Variants in LPIN3 observed in about 807,000 individuals in gnomAD.
LPIN3 encodes the protein phosphatidate phosphatase LPIN3.
A neutral mutation model predicts 94.7 loss-of-function variants in LPIN3; 82 were observed. The observed-to-expected ratio is 0.87, with a 90% confidence interval of 0.72 to 1.04. The LOEUF is 1.04. LPIN3 is among the 50% of genes least tolerant of loss of function. The probability of loss-of-function intolerance (pLI) is 0.00; values close to 1 mark genes in which losing one functional copy is unlikely to be tolerated. For synonymous variants in LPIN3, 418 were observed against 443.3 expected (o/e 0.94, Z 0.72); for missense variants, 996 against 1,090.5 (o/e 0.91, Z 1.22).
At chr20:41,347,963 G>A (rs1158768271) in intron 3 of LPIN3, among the ~76,000 whole-genome samples, 2 of 152,198 alleles carry the variant, frequency 1.3e-5, no homozygotes, top group Non-Finnish European at 2.9e-5. Context: ...AAGAGGAGGC[G>A]GGAGCTGAAG....
At chr20:41,344,000 C>A (rs572874251) in intron 1 of LPIN3, among the ~76,000 whole-genome samples, 1 of 151,720 alleles carries the variant, frequency 6.6e-6, no homozygotes, top group South Asian at 2.1e-4. Context: ...AGGTTGAGGC[C>A]GCAGTGAGTC....
intron 1 of LPIN3, among the ~76,000 whole-genome samples, chr20:41,344,458 A>G (rs1334220144): frequency 6.6e-6 from 1 of 152,204 alleles, no homozygotes; most frequent in Non-Finnish European, 1.5e-5. Flanking sequence ...GTGGTCTTGC[A>G]TGGCAGGCTG....
At chr20:41,353,388 A>G (rs1345700479) in intron 11 of LPIN3, among the ~76,000 whole-genome samples, 1 of 152,206 alleles carries the variant, frequency 6.6e-6, no homozygotes, top group Non-Finnish European at 1.5e-5. Context: ...CCCTGCTCTC[A>G]AAGGAAGACG....
chr20:41,350,104 C>T lies in LPIN3; in HGVS notation c.809C>T (p.Ala270Val), dbSNP rs771045572. Reference sequence around the variant, plus strand: ...TCCTCAGTGGTCCTTGAAGGCAGAGCTGGGGCAACCTCTCCTCCTCGGGGA... The same window carrying T: ...TCCTCAGTGGTCCTTGAAGGCAGAGTTGGGGCAACCTCTCCTCCTCGGGGA... ...PESSVVLEGR[A>V]GATSPPRGGP... is the part of the protein sequence containing the mutation. The change falls in exon 7 of 20, where the codon GCT (alanine) becomes GTT (valine). Residue 270 changes from alanine (A) to valine (V), a missense_variant. By Grantham distance (64) the Ala-to-Val change is moderately conservative. Coordinates refer to ENST00000373257, the MANE Select transcript of LPIN3 (RefSeq NM_022896.3). 3.1e-6 allele frequency: 5 copies of T among 1,610,592 alleles called. No homozygotes were observed.
chr20:41,345,454 C>T (rs1486736251), intron 1 of LPIN3, among the ~76,000 whole-genome samples: 5 of 152,236 alleles, frequency 3.3e-5, no homozygotes, highest in Non-Finnish European at 7.3e-5. Flanking sequence ...TGAAATGAGC[C>T]GTACCCACGG....
At position 41,341,809 on chromosome 20, in the gene LPIN3, C is replaced by T. The variant is rs186891543; in HGVS notation, c.-9+807C>T. ...ATCCTAACACGGTGAAACCCCGTCTCCACTAAAAATACAAAAAATTAGCCG... is the reference window on the plus strand; with the variant it reads ...ATCCTAACACGGTGAAACCCCGTCTTCACTAAAAATACAAAAAATTAGCCG... On this transcript the variant is annotated intron_variant, in intron 1 of 19. Transcript: ENST00000373257. 4.6e-5 allele frequency among the ~76,000 whole-genome samples: 7 copies of T among 152,304 alleles called. No individual in the cohort carries two copies. The East Asian group carries it at 9.6e-4, about 21-fold the overall frequency.
intron 1 of LPIN3, among the ~76,000 whole-genome samples, chr20:41,341,517 A>G (rs2045578530): frequency 6.6e-6 from 1 of 152,228 alleles, no homozygotes; most frequent in South Asian, 2.1e-4. Flanking sequence ...CCGAGGGCTG[A>G]GAGCCTAGTC....
intron 11 of LPIN3, among the ~76,000 whole-genome samples, chr20:41,354,268 ATTGTTCTCCCTGCTGCCAC>A (rs899478095): frequency 2.4e-4 from 37 of 152,166 alleles, no homozygotes; most frequent in Non-Finnish European, 4.7e-4. Flanking sequence ...CCAGCTAAAG[ATTGTTCTCCCTGCTGCCAC>A]TTGGTCACAG....
chr20:41,346,037 CTT>C (rs752277494), intron 2 of LPIN3, 42 bp downstream of exon 2: 4 of 1,582,594 alleles, frequency 2.5e-6, no homozygotes, highest in Non-Finnish European at 2.6e-6. Flanking sequence ...GCAGAGTGGG[CTT>C]TTTAAGCTGG....
chr20:41,356,100 A>G, intron 14 of LPIN3, 66 bp downstream of exon 14: 1 of 1,568,180 alleles, frequency 6.4e-7, no homozygotes, highest in Non-Finnish European at 8.7e-7. Context: ...AGAGTCCCTC[A>G]GGACCTGGCT....
rs2045556820 is a variant in LPIN3, at chr20:41,341,011, C to A, written c.-9+9C>A. The stretch of plus-strand genomic sequence containing the variant: ...AGTGGGCAGCTCCCCAGGTAGGGCC[C>A]AACTCGGGGGGAGAAGAGATGACCC... On this transcript the variant is annotated intron_variant, in intron 1 of 19. Transcript: ENST00000373257. 6.6e-6 allele frequency: 1 copy of A among 152,326 alleles called. No homozygotes were observed. Among genetic ancestry groups the A allele is most frequent in the Admixed American group, 6.5e-5 (1 of 15,292 alleles). 9.4% of individuals were successfully genotyped at this position (152,326 alleles called of 1,614,324 possible). A position where few individuals can be genotyped will look rare whatever the true frequency, so the allele number is the denominator to read the frequency against.
Position 41,354,563 on chromosome 20 carries a change from G to GC in LPIN3, c.1528-81dup, listed in dbSNP as rs1298616707. The GC allele has an allele frequency of 2.9e-6, 4 of 1,373,720 alleles. No individual in the cohort carries two copies. The Admixed American group carries it at 9.2e-5, about 31-fold the overall frequency. The allele number at this position is 1,373,720 out of a possible 1,614,324, so 85.1% of individuals were successfully genotyped here. A position where few individuals can be genotyped will look rare whatever the true frequency, so the allele number is the denominator to read the frequency against. ...GGGTTGGCTCAGACTCTGGGCTCAT[G>GC]CGTGGAGGGTCCCAAGAACAACGTA... On this transcript the variant is annotated intron_variant, in intron 11 of 19. Transcript: ENST00000373257.
rs1039810266 is a variant in LPIN3 at position 41,350,377 on chromosome 20, A to G, written c.1082A>G (p.Glu361Gly). 2 of 1,576,592 alleles carry G rather than the reference A, an allele frequency of 1.3e-6. No homozygotes were observed. Among genetic ancestry groups the G allele is most frequent in the Non-Finnish European group, 1.7e-6 (2 of 1,156,126 alleles). The part of the protein sequence containing the change: ...LEVPVPTGQP[E>G]RVSRGKGSPK... ...GTTCCAGTTCCCACCGGGCAGCCAG[A>G]GAGGGTCTCCAGGGGGAAAGGTGAG... is the stretch of plus-strand genomic sequence containing the variant. The change falls in exon 7 of 20, where the codon GAG becomes GGG. Residue 361 changes from glutamate to glycine, a missense_variant. Glu to Gly is a moderately conservative substitution (Grantham distance 98). Coordinates refer to ENST00000373257, the MANE Select transcript of LPIN3 (RefSeq NM_022896.3).
chr20:41,354,415 G>A (rs1355603089), intron 11 of LPIN3, among the ~76,000 whole-genome samples: 1 of 152,196 alleles, frequency 6.6e-6, no homozygotes, highest in African/African-American at 2.4e-5. Context: ...CTAGGGACCG[G>A]GGCTGGGGGC....
rs146262637 is a variant in LPIN3, at chr20:41,348,724, G to A, written c.394G>A (p.Val132Ile). 3.1e-4 allele frequency: 497 copies of A among 1,613,718 alleles called. No homozygotes were observed. The highest frequency in any genetic ancestry group is 3.7e-4 in the Non-Finnish European group (435 of 1,179,932). Reference sequence around the variant, plus strand: ...CACTGCCAGTGAGCCTGAGGGCCTCGTCATGGCAGGCACGGCCTCCACTGG... The same window carrying A: ...CACTGCCAGTGAGCCTGAGGGCCTCATCATGGCAGGCACGGCCTCCACTGG... The part of the protein sequence containing the change: ...LGTASEPEGL[V>I]MAGTASTGRR... Residue 132 changes from valine to isoleucine, a missense_variant, in exon 4 of 20, where the codon GTC (valine) becomes ATC (isoleucine). Coordinates refer to ENST00000373257, the MANE Select transcript of LPIN3 (RefSeq NM_022896.3).
Position 41,345,826 on chromosome 20 carries a change from C to T in LPIN3, c.23C>T (p.Ala8Val), listed in dbSNP as rs772847019. The T allele has an allele frequency of 1.4e-5, 23 of 1,613,118 alleles. No individual in the cohort carries two copies. The highest frequency in any genetic ancestry group is 2.7e-5 in the African/African-American group (2 of 74,910). ...GCCATGAACTACGTGGGGCAGCTGG[C>T]GGAGACGGTGTTTGGGACGGTGAAG... MNYVGQL[A>V]ETVFGTVKEL... Residue 8 changes from alanine (A) to valine (V), a missense_variant, in exon 2 of 20, where the codon GCG becomes GTG. Ala to Val is a moderately conservative substitution (Grantham distance 64, BLOSUM62 0). Coordinates refer to ENST00000373257, the MANE Select transcript of LPIN3 (RefSeq NM_022896.3).
rs180700313 is a variant in LPIN3 at position 41,340,967 on chromosome 20, C to T, written c.-44C>T. The T allele has an allele frequency of 1.5e-4, 23 of 152,436 alleles. No individual in the cohort carries two copies. The highest frequency in any genetic ancestry group is 5.3e-4 in the African/African-American group (22 of 41,572). 9.4% of individuals were successfully genotyped at this position (152,436 alleles called of 1,614,324 possible). On this transcript the variant is annotated 5_prime_UTR_variant, in exon 1 of 20. Transcript: ENST00000373257. The stretch of plus-strand genomic sequence containing the variant: ...CTGTGCACGTAGGTAGAGGCGGCGG[C>T]TCTGAGTCCAGGAGCTCCAGTGGGC...
Position 41,358,794 on chromosome 20 carries a change from C to T in LPIN3, c.2484C>T (p.Ala828=). 6.2e-7 allele frequency: 1 copy of T among 1,614,146 alleles called. No individual in the cohort carries two copies. Among genetic ancestry groups the T allele is most frequent in the South Asian group, 1.1e-5 (1 of 91,082 alleles). The change falls in exon 20 of 20, where the codon GCC becomes GCT. Residue 828 remains alanine, a synonymous_variant. Transcript: ENST00000373257. ...CCCGTGGCCCCAGCACAGACCTGGC[C>T]AACCCTGAATACAGTAACTTCTGCT... ...PVARGPSTDL[A]NPEYSNFCYW... is the part of the protein sequence containing the mutation.
At position 41,355,890 on chromosome 20, in the gene LPIN3, C is replaced by T. The variant is rs764130074; in HGVS notation, c.1665-6C>T. 7 of 1,613,744 alleles carry T rather than the reference C, an allele frequency of 4.3e-6. No homozygotes were observed. Among genetic ancestry groups the T allele is most frequent in the South Asian group, 2.2e-5 (2 of 91,068 alleles). On this transcript the variant is annotated splice_region_variant and splice_polypyrimidine_tract_variant and intron_variant, in intron 13 of 19. Coordinates refer to ENST00000373257, the MANE Select transcript of LPIN3 (RefSeq NM_022896.3). ...GAGATGGCCTGAGAGCCAGTGTGGT[C>T]CACAGGGAGAAGACAGAAGTCCTGA...
Sources: allele counts gnomAD v4.1 joint callset (sites outside exome capture counted in the v4.1 genomes callset), GRCh38; gene constraint gnomAD v4.1.1; transcripts MANE v1.5; gene names NCBI Gene and HGNC (gene_info 2026-07-23, HGNC 2026-07-21).